Variants in RTL4 observed in about 807,000 individuals in gnomAD.
The protein encoded by RTL4 is retrotransposon Gag-like protein 4.
A neutral mutation model predicts 5.3 loss-of-function variants in RTL4; 4 were observed. The observed-to-expected ratio is 0.75, with a 90% CI of 0.37 to 1.72. The LOEUF (loss-of-function observed/expected upper bound fraction) is 1.72, where lower values mean the gene tolerates loss of function less well. RTL4 is among the 40% of genes most tolerant of loss of function. The pLI, the probability that RTL4 is intolerant of heterozygous loss-of-function variation, is 0.04. For missense variants in RTL4, 260 were observed against 227.1 expected (o/e 1.14, Z -0.93); for synonymous variants, 98 against 87.3 (o/e 1.12, Z -0.68).
the RTL4 span, among the ~76,000 whole-genome samples, chrX:112,116,744 C>A: frequency 8.9e-6 from 1 of 111,808 alleles, no homozygotes; most frequent in Non-Finnish European, 1.9e-5. Flanking sequence ...CAAGTTGCCA[C>A]CCTACCCAGA....
At chrX:112,333,201 G>T in the RTL4 span, among the ~76,000 whole-genome samples, 1 of 110,882 alleles carries the variant, frequency 9.0e-6, no homozygotes, top group Admixed American at 9.7e-5. Context: ...CTCTTGTTGA[G>T]AAGAACAGTG....
chrX:112,321,579 AAGAC>A, the RTL4 span, among the ~76,000 whole-genome samples: 3,541 of 109,191 alleles, frequency 0.032, 60 homozygotes, highest in African/African-American at 0.045. Flanking sequence ...AGAAAGAAGA[AAGAC>A]AGACAGACAG....
At chrX:112,239,484 T>C in the RTL4 span, among the ~76,000 whole-genome samples, 2 of 111,612 alleles carry the variant, frequency 1.8e-5, no homozygotes, top group African/African-American at 6.5e-5. Context: ...GCTTTTCGCC[T>C]TCCTGGTGTC....
the RTL4 span, among the ~76,000 whole-genome samples, chrX:112,425,684 G>A: frequency 9.0e-6 from 1 of 111,607 alleles, no homozygotes; most frequent in African/African-American, 3.2e-5. Context: ...GACATATGAT[G>A]TTGAATACCC....
chrX:112,155,667 C>T, the RTL4 span, among the ~76,000 whole-genome samples: 1 of 111,436 alleles, frequency 9.0e-6, no homozygotes, highest in African/African-American at 3.3e-5. Flanking sequence ...CCACAAAACT[C>T]ACAGTTTTTA....
At chrX:112,098,786 C>G in the RTL4 span, among the ~76,000 whole-genome samples, 1 of 111,346 alleles carries the variant, frequency 9.0e-6, no homozygotes, top group Non-Finnish European at 1.9e-5. Flanking sequence ...AATGGGGAAA[C>G]GATTCCCTAT....
chrX:112,146,898 A>G, the RTL4 span, among the ~76,000 whole-genome samples: 1 of 105,256 alleles, frequency 9.5e-6, no homozygotes, highest in African/African-American at 3.5e-5. Context: ...CAAAATGGTA[A>G]TAGTAAGCAA....
the RTL4 span, among the ~76,000 whole-genome samples, chrX:112,197,492 G>A: frequency 7.5e-4 from 83 of 110,969 alleles, no homozygotes; most frequent in African/African-American, 2.7e-3. Context: ...TTACTGGTGT[G>A]GGGGCATGAA....
the RTL4 span, among the ~76,000 whole-genome samples, chrX:112,192,158 G>A: frequency 0.024 from 1,752 of 74,153 alleles, 43 homozygotes; most frequent in African/African-American, 0.093. Context: ...GTTTTTTTTT[G>A]TGGATTCTTT....
chrX:112,455,668 A>C, exon 1 of RTL4: 2 of 1,183,075 alleles, frequency 1.7e-6, no homozygotes, highest in Non-Finnish European at 1.1e-6. Context: ...GTAAGAGGAG[A>C]CCAGGAAAGT....
At chrX:112,437,097 C>G in the RTL4 span, among the ~76,000 whole-genome samples, 1 of 111,798 alleles carries the variant, frequency 8.9e-6, no homozygotes, top group African/African-American at 3.2e-5. Flanking sequence ...ACATACAGGC[C>G]TTATTCCTTC....
chrX:112,356,645 T>G, the RTL4 span, among the ~76,000 whole-genome samples: 1 of 110,429 alleles, frequency 9.1e-6, no homozygotes, highest in Middle Eastern at 4.7e-3. Flanking sequence ...TTTTCTAGTC[T>G]ACTGTTTTCT....
At chrX:112,307,824 C>T in the RTL4 span, among the ~76,000 whole-genome samples, 1 of 111,732 alleles carries the variant, frequency 8.9e-6, no homozygotes, top group African/African-American at 3.2e-5. Flanking sequence ...TCAACAAGAA[C>T]GGCCTGATAT....
At chrX:112,419,337 C>CTTTTTTTTTTTT in the RTL4 span, among the ~76,000 whole-genome samples, 3 of 24,392 alleles carry the variant, frequency 1.2e-4, 1 homozygote, top group Non-Finnish European at 1.9e-4. Flanking sequence ...TTCCATTCAG[C>CTTTTTTTTTTTT]TTTTTTTTTT....
chrX:112,302,258 T>TAA, the RTL4 span, among the ~76,000 whole-genome samples: 799 of 83,527 alleles, frequency 9.6e-3, 15 homozygotes, highest in African/African-American at 0.03. Flanking sequence ...AAGACTCTGT[T>TAA]AAAAAAAAAA....
At chrX:112,115,127 C>T in the RTL4 span, among the ~76,000 whole-genome samples, 1 of 110,993 alleles carries the variant, frequency 9.0e-6, no homozygotes, top group African/African-American at 3.3e-5. Context: ...TGTTTTTCCC[C>T]CACCACCCAA....
the RTL4 span, among the ~76,000 whole-genome samples, chrX:112,176,960 A>G: frequency 9.0e-6 from 1 of 110,971 alleles, no homozygotes; most frequent in African/African-American, 3.3e-5. Context: ...TTCGCTTAAC[A>G]TAATGACATC....
chrX:112,212,603 T>A, the RTL4 span, among the ~76,000 whole-genome samples: 1 of 111,872 alleles, frequency 8.9e-6, no homozygotes, highest in Non-Finnish European at 1.9e-5. Flanking sequence ...AAGGCTGGGA[T>A]TTTGAGTATT....
the RTL4 span, among the ~76,000 whole-genome samples, chrX:112,441,439 T>C: frequency 8.9e-6 from 1 of 111,833 alleles, no homozygotes; most frequent in Admixed American, 9.5e-5. Context: ...ATAGAGATTA[T>C]AGTGAGCAGC....
Sources: gnomAD v4.1 joint callset for allele counts (sites outside exome capture counted in the v4.1 genomes callset) on GRCh38, gnomAD v4.1.1 for gene constraint, MANE v1.5 for transcripts, NCBI Gene and HGNC (gene_info 2026-07-23, HGNC 2026-07-21) for gene names.